The following ENOX1 variants were observed in gnomAD, a reference collection of about 807,000 sequenced individuals.
ENOX1 encodes the protein ecto-NOX disulfide-thiol exchanger 1.
Under a neutral mutation model 82.5 loss-of-function variants are expected in ENOX1, and 42 were observed. The observed-to-expected ratio is 0.51, with a 90% CI of 0.40 to 0.66. ENOX1 has a LOEUF of 0.66. Ranked by LOEUF, ENOX1 falls within the 30% of genes least tolerant of loss-of-function variation. The pLI is 0.00. For missense variants in ENOX1, 608 were observed against 811.6 expected, an observed-to-expected ratio of 0.75 and a Z score of 3.05; for synonymous variants, 271 against 282.2, an observed-to-expected ratio of 0.96 and a Z score of 0.40.
chr13:43,373,267 G>T (rs916531480), intron 5 of ENOX1, among the ~76,000 whole-genome samples: 4 of 151,970 alleles, frequency 2.6e-5, no homozygotes, highest in Non-Finnish European at 4.4e-5. Context: ...GGCCTTCTAG[G>T]AAAACAACTG....
chr13:43,717,894 T>TG (rs1404476661), intron 1 of ENOX1, among the ~76,000 whole-genome samples: 1 of 152,066 alleles, frequency 6.6e-6, no homozygotes, highest in Non-Finnish European at 1.5e-5. Flanking sequence ...ATGATGCTGG[T>TG]GAGGCTGCAG....
chr13:43,462,972 C>T (rs2057555988), intron 3 of ENOX1, among the ~76,000 whole-genome samples: 1 of 152,128 alleles, frequency 6.6e-6, no homozygotes, highest in African/African-American at 2.4e-5. Flanking sequence ...AAATCGGTGC[C>T]TCTCATTCTC....
At chr13:43,739,592 T>C (rs2089800457) in intron 1 of ENOX1, among the ~76,000 whole-genome samples, 1 of 150,688 alleles carries the variant, frequency 6.6e-6, no homozygotes, top group Non-Finnish European at 1.5e-5. Context: ...ATGTATTTAT[T>C]TAAATATATA....
At chr13:43,240,951 T>C (rs1411670860) in intron 14 of ENOX1, among the ~76,000 whole-genome samples, 1 of 152,214 alleles carries the variant, frequency 6.6e-6, no homozygotes, top group Non-Finnish European at 1.5e-5. Flanking sequence ...AACCACTGCA[T>C]GTGCTGGCAT....
At chr13:43,280,821 A>C (rs924876387) in intron 12 of ENOX1, among the ~76,000 whole-genome samples, 4 of 152,226 alleles carry the variant, frequency 2.6e-5, no homozygotes, top group African/African-American at 7.2e-5. Context: ...AGAGAAGAAT[A>C]GCTCTGAACT....
chr13:43,720,073 G>A (rs2088465248), intron 1 of ENOX1, among the ~76,000 whole-genome samples: 1 of 145,536 alleles, frequency 6.9e-6, no homozygotes, highest in Non-Finnish European at 1.5e-5. Flanking sequence ...TCATTTTGAA[G>A]GGAAATTGTC....
intron 3 of ENOX1, among the ~76,000 whole-genome samples, chr13:43,461,042 G>A (rs1230858692): frequency 6.6e-6 from 1 of 152,084 alleles, no homozygotes; most frequent in East Asian, 1.9e-4. Flanking sequence ...TTACACTGGT[G>A]GTTCTCAATT....
chr13:43,266,370 T>C (rs975545942), intron 13 of ENOX1, among the ~76,000 whole-genome samples: 2 of 152,226 alleles, frequency 1.3e-5, no homozygotes, highest in African/African-American at 4.8e-5. Flanking sequence ...TGGTTCCTTC[T>C]GGCTACTTGT....
intron 3 of ENOX1, among the ~76,000 whole-genome samples, chr13:43,432,108 C>T (rs2055707356): frequency 6.6e-6 from 1 of 152,154 alleles, no homozygotes; most frequent in Admixed American, 6.5e-5. Flanking sequence ...ACCCTGGCGC[C>T]TCCCTGTGTG....
At chr13:43,757,826 T>G (rs948174549) in intron 1 of ENOX1, among the ~76,000 whole-genome samples, 1 of 152,218 alleles carries the variant, frequency 6.6e-6, no homozygotes, top group African/African-American at 2.4e-5. Context: ...GTATGACTTT[T>G]TTTTTCATCC....
At chr13:43,554,041 G>A (rs1335084054) in intron 2 of ENOX1, among the ~76,000 whole-genome samples, 1 of 152,152 alleles carries the variant, frequency 6.6e-6, no homozygotes, top group Non-Finnish European at 1.5e-5. Flanking sequence ...GAGCCACTGC[G>A]CCTGGCTGAG....
At chr13:43,339,800 T>C (rs761535002) in intron 9 of ENOX1, among the ~76,000 whole-genome samples, 1 of 152,214 alleles carries the variant, frequency 6.6e-6, no homozygotes, top group Non-Finnish European at 1.5e-5. Context: ...AATTCCTGAA[T>C]ACTCATGCTT....
chr13:43,612,695 T>A (rs555865110), intron 2 of ENOX1, among the ~76,000 whole-genome samples: 1 of 152,308 alleles, frequency 6.6e-6, no homozygotes, highest in East Asian at 1.9e-4. Context: ...CTCATTCTCA[T>A]AAATTGTTCT....
At chr13:43,767,251 C>T (rs9590786) in intron 1 of ENOX1, among the ~76,000 whole-genome samples, 15,555 of 152,218 alleles carry the variant, frequency 0.1, 1,393 homozygotes, top group African/African-American at 0.24. Flanking sequence ...ATTTGGAGCA[C>T]TGGAAGTTTG....
chr13:43,538,745 C>T (rs1272783905), intron 2 of ENOX1, among the ~76,000 whole-genome samples: 1 of 152,106 alleles, frequency 6.6e-6, no homozygotes, highest in Non-Finnish European at 1.5e-5. Flanking sequence ...TACCACCTGG[C>T]TATAGTTTTA....
intron 6 of ENOX1, among the ~76,000 whole-genome samples, chr13:43,360,539 A>T (rs1259936396): frequency 6.6e-6 from 1 of 152,174 alleles, no homozygotes; most frequent in Non-Finnish European, 1.5e-5. Flanking sequence ...CCTGAAAAAA[A>T]CCACTTTGTT....
chr13:43,361,147 C>T, intron 6 of ENOX1, 132 bp downstream of exon 6: 1 of 871,560 alleles, frequency 1.1e-6, no homozygotes, highest in Non-Finnish European at 1.7e-6. Flanking sequence ...AGACAAAAGG[C>T]CTTCTGTAGA....
chr13:43,665,958 C>G (rs2084955593), intron 2 of ENOX1, among the ~76,000 whole-genome samples: 1 of 150,166 alleles, frequency 6.7e-6, no homozygotes, highest in Non-Finnish European at 1.5e-5. Context: ...GAATTCACTT[C>G]AGGCATGCCT....
chr13:43,442,149 C>T (rs1291921479), intron 3 of ENOX1, among the ~76,000 whole-genome samples: 1 of 152,112 alleles, frequency 6.6e-6, no homozygotes, highest in Non-Finnish European at 1.5e-5. Flanking sequence ...CTCTTCACAG[C>T]CCCCAGATTA....
Sources: gnomAD v4.1 joint callset for allele counts (sites outside exome capture counted in the v4.1 genomes callset) on GRCh38, gnomAD v4.1.1 for gene constraint, MANE v1.5 for transcripts, NCBI Gene and HGNC (gene_info 2026-07-23, HGNC 2026-07-21) for gene names.